Variants in TRIQK observed in about 807,000 individuals in gnomAD.
TRIQK encodes the protein triple QxxK/R motif containing, also known as triple QxxK/R motif-containing protein.
A neutral mutation model predicts 10.8 loss-of-function variants in TRIQK; 10 were observed. The ratio of observed to expected loss-of-function variants is 0.92; its 90% CI spans 0.57 to 1.57. The LOEUF is 1.57. Among genes scored for constraint, TRIQK ranks in the 40% most tolerant of loss-of-function variants. The pLI, the probability that TRIQK is intolerant of heterozygous loss-of-function variation, is 0.00. For synonymous variants in TRIQK, 33 were observed against 33.7 expected (o/e 0.98, Z 0.07); for missense variants, 107 against 97.7 (o/e 1.09, Z -0.40).
At chr8:92,886,821 G>T in intron 4 of TRIQK, 86 bp from the exon 5 acceptor site, 1 of 750,704 alleles carries the variant, frequency 1.3e-6, no homozygotes, top group Non-Finnish European at 2.3e-6. Context: ...TAACCATATT[G>T]TTCCACAGTC....
At chr8:92,935,168 G>T (rs1006852065) in intron 2 of TRIQK, among the ~76,000 whole-genome samples, 2 of 151,508 alleles carry the variant, frequency 1.3e-5, no homozygotes, top group African/African-American at 4.8e-5. Flanking sequence ...ATAGTTAATT[G>T]TCGGCCTTTT....
At chr8:92,969,061 C>A (rs1390524697), upstream of TRIQK, among the ~76,000 whole-genome samples, 1 of 152,066 alleles carries the variant, frequency 6.6e-6, no homozygotes, top group Admixed American at 6.6e-5. Context: ...ATAGGGAATC[C>A]TTTCCCCATT....
At chr8:93,014,637 T>G (rs1185138823) in intron 1 of TRIQK, among the ~76,000 whole-genome samples, 1 of 152,086 alleles carries the variant, frequency 6.6e-6, no homozygotes, top group Non-Finnish European at 1.5e-5. Flanking sequence ...TTTAATCACA[T>G]ATATTTCAAA....
In TRIQK at chr8:93,006,034, C is replaced by CA. The variant is rs58693078; in HGVS notation, c.-181+11574dup. Among the ~76,000 whole-genome samples the CA allele has an allele frequency of 9.3e-3, 1,216 of 130,926 alleles. 4 individuals carry two copies. Among genetic ancestry groups the CA allele is most frequent in the Middle Eastern group, 0.031 (7 of 226 alleles). The allele number at this position is 130,926 out of a possible 152,430, so 85.9% of individuals were successfully genotyped here. ...AATAGCGAACTATCTAAAAAATAAG[C>CA]AAAAAAAAAAAAAAATCCTATTTAC... is the stretch of plus-strand genomic sequence containing the variant. On this transcript the variant is annotated intron_variant, in intron 1 of 4. Transcript: ENST00000520686.
chr8:92,976,928 GCTATTGT>G (rs1812939093), intron 1 of TRIQK, among the ~76,000 whole-genome samples: 1 of 151,720 alleles, frequency 6.6e-6, no homozygotes, highest in Admixed American at 6.6e-5. Flanking sequence ...CAGTCTTTGT[GCTATTGT>G]CATGTATTTT....
intron 1 of TRIQK, among the ~76,000 whole-genome samples, chr8:93,001,939 T>G (rs916373254): frequency 3.3e-5 from 5 of 152,222 alleles, no homozygotes; most frequent in Non-Finnish European, 7.3e-5. Flanking sequence ...TGATCTTTTC[T>G]GGCTGTAATG....
At chr8:92,940,213 T>G (rs966138288) in intron 2 of TRIQK, among the ~76,000 whole-genome samples, 1 of 151,990 alleles carries the variant, frequency 6.6e-6, no homozygotes, top group African/African-American at 2.4e-5. Flanking sequence ...GTCAAAGAAC[T>G]CCTGTAAATG....
chr8:92,998,275 T>A (rs983875777), intron 1 of TRIQK, among the ~76,000 whole-genome samples: 1 of 152,022 alleles, frequency 6.6e-6, no homozygotes, highest in African/African-American at 2.4e-5. Flanking sequence ...TTAACTCTCT[T>A]TTGTATTCAT....
At chr8:93,012,429 T>C (rs146438424) in intron 1 of TRIQK, among the ~76,000 whole-genome samples, 127 of 152,308 alleles carry the variant, frequency 8.3e-4, no homozygotes, top group African/African-American at 3.0e-3. Context: ...TGCAGTCATA[T>C]GTAGATCCAG....
intron 3 of TRIQK, among the ~76,000 whole-genome samples, chr8:92,907,822 A>G (rs1276392392): frequency 6.6e-6 from 1 of 152,122 alleles, no homozygotes; most frequent in Non-Finnish European, 1.5e-5. Flanking sequence ...AAAAACACAC[A>G]TTTATGTACA....
chr8:93,009,393 T>G (rs1813306636), intron 1 of TRIQK, among the ~76,000 whole-genome samples: 1 of 152,164 alleles, frequency 6.6e-6, no homozygotes. Flanking sequence ...GCAGATCACC[T>G]GAGGTCAGGA....
rs1816468592 is a variant in TRIQK at position 92,886,221 on chromosome 8, G to A, written c.*401C>T. The A allele has an allele frequency of 6.6e-6, 1 of 152,014 alleles. No individual in the cohort carries two copies. The highest frequency in any genetic ancestry group is 2.1e-4 in the South Asian group (1 of 4,834). 9.4% of individuals were successfully genotyped at this position (152,014 alleles called of 1,614,324 possible). On this transcript the variant is annotated 3_prime_UTR_variant, in exon 5 of 5. Coordinates refer to ENST00000521988, the MANE Select transcript of TRIQK (RefSeq NM_001171797.2). Reference sequence around the variant, plus strand: ...ATGACTTTTTGTTCTTTCTGAATGTGATTTGAGCATGTTTCTGTAAATAAG... The same window carrying A: ...ATGACTTTTTGTTCTTTCTGAATGTAATTTGAGCATGTTTCTGTAAATAAG...
intron 2 of TRIQK, among the ~76,000 whole-genome samples, chr8:92,949,814 GAAAGAA>G (rs1357999491): frequency 5.9e-5 from 6 of 101,416 alleles, no homozygotes; most frequent in Admixed American, 1.3e-4. Context: ...AAGAAAGAAA[GAAAGAA>G]AGAAAGAAAG....
intron 1 of TRIQK, among the ~76,000 whole-genome samples, chr8:92,995,604 T>C (rs1813145447): frequency 6.6e-6 from 1 of 152,094 alleles, no homozygotes; most frequent in South Asian, 2.1e-4. Context: ...TTCTTTTCCA[T>C]TCACTGATTT....
chr8:92,930,784 C>G (rs188791710), intron 2 of TRIQK, among the ~76,000 whole-genome samples: 52 of 152,128 alleles, frequency 3.4e-4, no homozygotes, highest in Admixed American at 1.4e-3. Flanking sequence ...TGCTTACAAT[C>G]CCTCTAAATT....
intron 1 of TRIQK, among the ~76,000 whole-genome samples, chr8:92,959,556 A>G (rs1031601908): frequency 1.3e-5 from 2 of 151,566 alleles, no homozygotes; most frequent in South Asian, 4.2e-4. Flanking sequence ...GCATTATCTC[A>G]TAATAAGCTG....
intron 3 of TRIQK, among the ~76,000 whole-genome samples, chr8:92,898,722 G>A (rs536578185): frequency 1.3e-5 from 2 of 151,200 alleles, no homozygotes; most frequent in South Asian, 4.2e-4. Flanking sequence ...AACAGAGGTT[G>A]CTGCTTAAAA....
chr8:92,998,082 A>T (rs1355234104), intron 1 of TRIQK, among the ~76,000 whole-genome samples: 2 of 151,970 alleles, frequency 1.3e-5, no homozygotes, highest in African/African-American at 4.8e-5. Context: ...AATACAAATG[A>T]AAACAGTATA....
intron 1 of TRIQK, among the ~76,000 whole-genome samples, chr8:93,011,229 G>A (rs922721312): frequency 6.8e-6 from 1 of 147,520 alleles, no homozygotes; most frequent in Admixed American, 6.7e-5. Context: ...TATACAGGAG[G>A]TATTTCTGTT....
Sources: gnomAD v4.1 joint callset for allele counts (sites outside exome capture counted in the v4.1 genomes callset) on GRCh38, gnomAD v4.1.1 for gene constraint, MANE v1.5 for transcripts, NCBI Gene and HGNC (gene_info 2026-07-23, HGNC 2026-07-21) for gene names.